Variants in NTM observed in about 807,000 individuals in gnomAD.
NTM encodes neurotrimin.
In NTM, 13 loss-of-function variants were observed where a neutral mutation model predicts 42.1. The observed-to-expected ratio is 0.31, with a 90% CI of 0.20 to 0.49. The LOEUF is 0.49. NTM is among the 20% of genes least tolerant of loss of function. NTM has a pLI of 0.99. For synonymous variants in NTM, 187 were observed against 179.2 expected, an observed-to-expected ratio of 1.04 and a Z score of -0.35; for missense variants, 373 against 452.8, an observed-to-expected ratio of 0.82 and a Z score of 1.60.
intron 1 of NTM, among the ~76,000 whole-genome samples, chr11:131,863,003 T>C (rs961459879): frequency 6.6e-6 from 1 of 152,168 alleles, no homozygotes; most frequent in African/African-American, 2.4e-5. Context: ...TTCCCTTGGG[T>C]AGTACAAGAA....
chr11:132,219,614 C>A (rs61270580), intron 4 of NTM, among the ~76,000 whole-genome samples: 3 of 151,914 alleles, frequency 2.0e-5, no homozygotes, highest in South Asian at 2.1e-4. Context: ...CAAAGGAATT[C>A]ATAAGAAAAG....
intron 1 of NTM, among the ~76,000 whole-genome samples, chr11:131,809,317 C>T (rs966022897): frequency 2.3e-4 from 35 of 152,210 alleles, no homozygotes; most frequent in African/African-American, 8.0e-4. Context: ...CTTGGGAGAT[C>T]TTGGGCAGCT....
chr11:131,602,564 G>T (rs778656803), intron 1 of NTM, among the ~76,000 whole-genome samples: 6 of 152,056 alleles, frequency 3.9e-5, no homozygotes, highest in Non-Finnish European at 8.8e-5. Context: ...TTTTAAAATT[G>T]CTTCAGATTC....
chr11:132,298,406 A>T (rs1414507718), intron 4 of NTM, among the ~76,000 whole-genome samples: 1 of 152,144 alleles, frequency 6.6e-6, no homozygotes, highest in Non-Finnish European at 1.5e-5. Context: ...AACTCTAAAC[A>T]CCCAGCTGTG....
At chr11:131,932,003 G>A (rs970941285) in intron 2 of NTM, among the ~76,000 whole-genome samples, 1 of 152,190 alleles carries the variant, frequency 6.6e-6, no homozygotes, top group Non-Finnish European at 1.5e-5. Flanking sequence ...TTCCAGCTAA[G>A]CCCAGAGCAG....
At chr11:131,900,298 GGAA>G (rs1266890397) in intron 1 of NTM, among the ~76,000 whole-genome samples, 2 of 152,232 alleles carry the variant, frequency 1.3e-5, no homozygotes, top group South Asian at 2.1e-4. Context: ...GCTCCAAAAG[GGAA>G]GAAGAAGTAG....
intron 1 of NTM, among the ~76,000 whole-genome samples, chr11:131,546,051 G>A (rs2053897765): frequency 6.6e-6 from 1 of 152,102 alleles, no homozygotes; most frequent in Non-Finnish European, 1.5e-5. Flanking sequence ...TTTATACTGT[G>A]AGCATCATTT....
chr11:131,775,704 A>G (rs1402872682), intron 1 of NTM, among the ~76,000 whole-genome samples: 4 of 152,200 alleles, frequency 2.6e-5, no homozygotes, highest in Non-Finnish European at 5.9e-5. Context: ...ACTTAGGAAC[A>G]GCATGAAAAA....
At chr11:132,189,641 TACAC>T (rs35740557) in intron 3 of NTM, among the ~76,000 whole-genome samples, 118 of 149,192 alleles carry the variant, frequency 7.9e-4, no homozygotes, top group Middle Eastern at 3.4e-3. Context: ...TCACGGCAGA[TACAC>T]ACACACACAC....
intron 1 of NTM, among the ~76,000 whole-genome samples, chr11:131,833,720 G>T (rs2043117048): frequency 6.6e-6 from 1 of 152,188 alleles, no homozygotes; most frequent in Admixed American, 6.5e-5. Flanking sequence ...GTACCCTAAA[G>T]GAAGGAGCTC....
intron 3 of NTM, among the ~76,000 whole-genome samples, chr11:132,206,169 A>G (rs2081965170): frequency 1.3e-5 from 2 of 152,196 alleles, no homozygotes; most frequent in African/African-American, 4.8e-5. Context: ...ATTTTACTCC[A>G]TCTGACACAA....
intron 3 of NTM, among the ~76,000 whole-genome samples, chr11:132,189,546 T>A (rs2078961125): frequency 1.3e-5 from 2 of 152,112 alleles, no homozygotes; most frequent in South Asian, 4.2e-4. Flanking sequence ...AACTTGGACT[T>A]CTCCAAAGCA....
intron 2 of NTM, among the ~76,000 whole-genome samples, chr11:132,124,900 C>A (rs1226195489): frequency 6.6e-6 from 1 of 152,198 alleles, no homozygotes; most frequent in Non-Finnish European, 1.5e-5. Flanking sequence ...GTAGCTAGCG[C>A]CAGTTGTCTA....
At chr11:131,516,833 A>G (rs1591905205) in intron 1 of NTM, among the ~76,000 whole-genome samples, 1 of 152,282 alleles carries the variant, frequency 6.6e-6, no homozygotes, top group East Asian at 1.9e-4. Context: ...TTTCACTCTC[A>G]TCCTTAGTGG....
intron 1 of NTM, among the ~76,000 whole-genome samples, chr11:131,679,922 C>CT (rs979097465): frequency 2.4e-4 from 37 of 152,246 alleles, no homozygotes; most frequent in African/African-American, 8.7e-4. Context: ...TGACTAACTC[C>CT]TTTTTTGTTT....
intron 1 of NTM, among the ~76,000 whole-genome samples, chr11:131,799,619 A>G (rs2091934232): frequency 6.6e-6 from 1 of 152,132 alleles, no homozygotes; most frequent in Admixed American, 6.5e-5. Flanking sequence ...GTTTGTTTCC[A>G]TCTGTCCACC....
intron 1 of NTM, among the ~76,000 whole-genome samples, chr11:131,469,933 T>C (rs1467611331): frequency 6.6e-6 from 1 of 152,230 alleles, no homozygotes; most frequent in Non-Finnish European, 1.5e-5. Context: ...CTAATTTGGT[T>C]TGGAAATCCT....
chr11:132,011,877 G>A (rs1025592679), intron 2 of NTM, among the ~76,000 whole-genome samples: 3 of 152,158 alleles, frequency 2.0e-5, no homozygotes, highest in African/African-American at 7.2e-5. Context: ...ATCTCAGAAG[G>A]TGTCCTTCTT....
chr11:131,869,234 G>T (rs1479643111), intron 1 of NTM, among the ~76,000 whole-genome samples: 1 of 152,132 alleles, frequency 6.6e-6, no homozygotes, highest in Admixed American at 6.5e-5. Flanking sequence ...TCCCTTCCTT[G>T]ATGACTGGAA....
Sources: gnomAD v4.1 joint callset for allele counts (sites outside exome capture counted in the v4.1 genomes callset) on GRCh38, gnomAD v4.1.1 for gene constraint, MANE v1.5 for transcripts, NCBI Gene and HGNC (gene_info 2026-07-23, HGNC 2026-07-21) for gene names.